CBR4: variants seen among roughly 807,000 people sequenced by gnomAD.
CBR4 encodes the protein carbonyl reductase 4.
Under a neutral mutation model 21.0 loss-of-function variants are expected in CBR4, and 22 were observed. The observed-to-expected ratio is 1.05, with a 90% CI of 0.75 to 1.50. CBR4 has a LOEUF of 1.50. Ranked by LOEUF, CBR4 falls within the 40% of genes most tolerant of loss-of-function variation. CBR4 has a pLI of 0.00. For missense variants in CBR4, 302 were observed against 286.3 expected, an observed-to-expected ratio of 1.05 and a Z score of -0.40; for synonymous variants, 100 against 104.4, an observed-to-expected ratio of 0.96 and a Z score of 0.26.
intron 2 of CBR4, chr4:168,927,736 A>AT (rs1762738036): frequency 9.0e-6 from 2 of 222,390 alleles, no homozygotes; most frequent in Admixed American, 5.8e-5. Flanking sequence ...AATGCATATG[A>AT]TTTTGCATCA....
chr4:168,990,758 A>G (rs1764879067), intron 4 of CBR4, among the ~76,000 whole-genome samples: 1 of 151,806 alleles, frequency 6.6e-6, no homozygotes, highest in Non-Finnish European at 1.5e-5. Flanking sequence ...TGTTTATATA[A>G]AATAGTTTTG....
chr4:168,920,103 A>G (rs1761135773), intron 2 of CBR4, among the ~76,000 whole-genome samples: 1 of 152,200 alleles, frequency 6.6e-6, no homozygotes, highest in African/African-American at 2.4e-5. Flanking sequence ...TGGGAACAAC[A>G]AGGAGCCTGA....
intron 2 of CBR4, among the ~76,000 whole-genome samples, chr4:168,908,562 G>GAC (rs1446359703): frequency 6.6e-6 from 1 of 152,086 alleles, no homozygotes; most frequent in African/African-American, 2.4e-5. Context: ...AAGTGTAGTT[G>GAC]ACAGAAAACT....
At chr4:168,937,871 T>A (rs1449996761) in intron 2 of CBR4, among the ~76,000 whole-genome samples, 2 of 152,084 alleles carry the variant, frequency 1.3e-5, no homozygotes, top group Non-Finnish European at 2.9e-5. Flanking sequence ...GTGGGAGACT[T>A]TAACACCCCA....
intron 2 of CBR4, among the ~76,000 whole-genome samples, chr4:168,900,562 A>T (rs1485182256): frequency 6.6e-6 from 1 of 152,190 alleles, no homozygotes; most frequent in African/African-American, 2.4e-5. Flanking sequence ...TTTAGGTGTT[A>T]ATTTCCTATA....
intron 2 of CBR4, among the ~76,000 whole-genome samples, chr4:168,949,002 G>A (rs1473192518): frequency 6.6e-6 from 1 of 152,130 alleles, no homozygotes; most frequent in Non-Finnish European, 1.5e-5. Context: ...CATGAGCATG[G>A]GATGTATTTC....
chr4:168,910,515 CT>C (rs986696555), intron 2 of CBR4, among the ~76,000 whole-genome samples: 24 of 152,088 alleles, frequency 1.6e-4, no homozygotes, highest in African/African-American at 5.8e-4. Flanking sequence ...ATAAACAATT[CT>C]AAAGGATGCC....
At chr4:168,961,301 T>C (rs1010932671) in intron 2 of CBR4, among the ~76,000 whole-genome samples, 3 of 152,212 alleles carry the variant, frequency 2.0e-5, no homozygotes, top group Non-Finnish European at 4.4e-5. Flanking sequence ...GTAAATCTTA[T>C]GTCTTTTCTA....
Position 168,990,119 on chromosome 4 carries a change from TA to T in CBR4, c.*30del. 8 of 1,518,082 alleles carry T rather than the reference TA, an allele frequency of 5.3e-6. No individual in the cohort carries two copies. Among genetic ancestry groups the T allele is most frequent in the Non-Finnish European group, 7.1e-6 (8 of 1,128,940 alleles). The allele number at this position is 1,518,082 out of a possible 1,614,324, so 94.0% of individuals were successfully genotyped here. ...AGTAGCCAAAGTGTGCCCTTGATGCTAATCACCCCTATAACTGAATAATCTG... is the reference window on the plus strand; with the variant it reads ...AGTAGCCAAAGTGTGCCCTTGATGCTATCACCCCTATAACTGAATAATCTG... On this transcript the variant is annotated 3_prime_UTR_variant, in exon 5 of 5. Transcript: ENST00000306193.
intron 2 of CBR4, chr4:168,924,459 A>G (rs1446593638): frequency 6.5e-7 from 1 of 1,547,244 alleles, no homozygotes; most frequent in Admixed American, 1.7e-5. Context: ...TTAACTGTTC[A>G]GTCCTAATGA....
At chr4:168,972,482 T>C (rs139385275) in intron 2 of CBR4, among the ~76,000 whole-genome samples, 3,148 of 152,326 alleles carry the variant, frequency 0.021, 96 homozygotes, top group African/African-American at 0.056. Flanking sequence ...GTTTTCCTTG[T>C]AGAGATCTTA....
rs150256686 is a variant in CBR4 at position 168,924,978 on chromosome 4, G to A, written n.170-30213C>T. 2.4e-5 allele frequency: 39 copies of A among 1,613,974 alleles called. No individual in the cohort carries two copies. The highest frequency in any genetic ancestry group is 3.2e-5 in the Non-Finnish European group (38 of 1,179,990). ...AGGACAACCACGGCTACATCTGCCTGCTCATTCAGGGAGCCACAAAAGAAG... is the reference window on the plus strand; with the variant it reads ...AGGACAACCACGGCTACATCTGCCTACTCATTCAGGGAGCCACAAAAGAAG... On this transcript the variant is annotated intron_variant and non_coding_transcript_variant, in intron 2 of 3. Transcript: ENST00000509108.
At chr4:168,979,556 G>A (rs974260357) in intron 2 of CBR4, among the ~76,000 whole-genome samples, 3 of 17,392 alleles carry the variant, frequency 1.7e-4, no homozygotes, top group Admixed American at 8.1e-4. Context: ...GCCATTGCGG[G>A]GCTTCAGCGG....
intron 2 of CBR4, among the ~76,000 whole-genome samples, chr4:168,917,794 T>G (rs191501278): frequency 6.6e-6 from 1 of 152,316 alleles, no homozygotes; most frequent in East Asian, 1.9e-4. Flanking sequence ...TCAGTCTGTA[T>G]ATATTTTATA....
At chr4:168,910,739 C>T (rs1183921672) in intron 2 of CBR4, among the ~76,000 whole-genome samples, 1 of 152,154 alleles carries the variant, frequency 6.6e-6, no homozygotes, top group African/African-American at 2.4e-5. Context: ...AAGTCACTCA[C>T]CTGTAAGGGA....
At chr4:168,959,208 T>C (rs1763772824) in intron 2 of CBR4, among the ~76,000 whole-genome samples, 1 of 152,210 alleles carries the variant, frequency 6.6e-6, no homozygotes, top group Admixed American at 6.5e-5. Flanking sequence ...ATTAATTTTT[T>C]TGTATGGTGT....
chr4:168,917,196 G>A (rs1047046449), intron 2 of CBR4, among the ~76,000 whole-genome samples: 4 of 150,950 alleles, frequency 2.6e-5, no homozygotes, highest in Admixed American at 6.6e-5. Flanking sequence ...GTACAGGCAC[G>A]CACCACCACG....
chr4:168,985,843 G>A (rs1764673884), downstream of CBR4, among the ~76,000 whole-genome samples: 1 of 152,124 alleles, frequency 6.6e-6, no homozygotes, highest in African/African-American at 2.4e-5. Flanking sequence ...TAGAATAAGT[G>A]GGAGCTAAAC....
intron 2 of CBR4, among the ~76,000 whole-genome samples, chr4:168,921,061 A>G (rs1405021233): frequency 1.3e-5 from 2 of 152,126 alleles, no homozygotes; most frequent in Admixed American, 1.3e-4. Context: ...TCAGGAAGCC[A>G]AAGTTTAAAG....
Sources: gnomAD v4.1 joint callset for allele counts (sites outside exome capture counted in the v4.1 genomes callset) on GRCh38, gnomAD v4.1.1 for gene constraint, MANE v1.5 for transcripts, NCBI Gene and HGNC (gene_info 2026-07-23, HGNC 2026-07-21) for gene names.